Variants in GRM5 observed in about 807,000 individuals in gnomAD.
The protein encoded by GRM5 is metabotropic glutamate receptor 5.
GRM5 carries 19 observed loss-of-function variants against 83.1 expected under a neutral mutation model. That is an observed-to-expected ratio of 0.23 (90% CI 0.16 to 0.34). The LOEUF is 0.34. Among genes scored for constraint, GRM5 ranks in the 10% least tolerant of loss-of-function variants. The probability of loss-of-function intolerance (pLI) is 1.00; values close to 1 mark genes in which losing one functional copy is unlikely to be tolerated. For synonymous variants in GRM5, 675 were observed against 633.6 expected (o/e 1.07, Z -0.98); for missense variants, 1,160 against 1,588.3 (o/e 0.73, Z 4.58).
At chr11:89,019,127 G>A (rs1322348047) in intron 2 of GRM5, among the ~76,000 whole-genome samples, 2 of 152,112 alleles carry the variant, frequency 1.3e-5, no homozygotes, top group Non-Finnish European at 2.9e-5. Context: ...CACCTTGACA[G>A]TTTTGAGGAG....
intron 2 of GRM5, among the ~76,000 whole-genome samples, chr11:89,038,203 T>C (rs565543660): frequency 6.6e-6 from 1 of 151,978 alleles, no homozygotes; most frequent in African/African-American, 2.4e-5. Context: ...AAATGTAACA[T>C]TGGGCTGAAA....
chr11:89,022,090 G>A (rs1307432362), intron 2 of GRM5, among the ~76,000 whole-genome samples: 4 of 152,110 alleles, frequency 2.6e-5, no homozygotes, highest in Non-Finnish European at 5.9e-5. Context: ...ATCACATGGG[G>A]CCTGGTTTAT....
At chr11:88,964,688 T>G (rs1054279427) in intron 2 of GRM5, among the ~76,000 whole-genome samples, 3 of 152,168 alleles carry the variant, frequency 2.0e-5, no homozygotes, top group African/African-American at 7.2e-5. Context: ...ACTTGGCACA[T>G]CATATTCAAG....
At chr11:88,779,533 G>GT (rs1230796830) in intron 3 of GRM5, among the ~76,000 whole-genome samples, 2 of 151,990 alleles carry the variant, frequency 1.3e-5, no homozygotes, top group Non-Finnish European at 2.9e-5. Flanking sequence ...TTCAATAACA[G>GT]AATTTTTTTC....
At chr11:88,965,773 G>A (rs376032973) in intron 2 of GRM5, among the ~76,000 whole-genome samples, 2 of 152,096 alleles carry the variant, frequency 1.3e-5, no homozygotes, top group South Asian at 2.1e-4. Flanking sequence ...GTACATAAAG[G>A]AGACATATAC....
chr11:88,724,232 TC>T (rs1053545084), intron 3 of GRM5, among the ~76,000 whole-genome samples: 4 of 152,162 alleles, frequency 2.6e-5, no homozygotes, highest in African/African-American at 9.6e-5. Context: ...GCACATACCA[TC>T]CCTGATAGTG....
intron 4 of GRM5, among the ~76,000 whole-genome samples, chr11:88,641,087 T>C (rs1939280982): frequency 6.6e-6 from 1 of 152,124 alleles, no homozygotes; most frequent in South Asian, 2.1e-4. Flanking sequence ...AGTACAAACA[T>C]GTGCTTCTGG....
chr11:89,048,332 G>C (rs1246263495), intron 1 of GRM5, among the ~76,000 whole-genome samples: 1 of 152,164 alleles, frequency 6.6e-6, no homozygotes, highest in African/African-American at 2.4e-5. Flanking sequence ...AATCTTGAGT[G>C]TGGCAGGCAG....
chr11:88,910,331 C>T (rs1178871050), intron 2 of GRM5, among the ~76,000 whole-genome samples: 2 of 151,976 alleles, frequency 1.3e-5, no homozygotes, highest in Non-Finnish European at 2.9e-5. Flanking sequence ...CTGATGAACA[C>T]CAAGTTTATT....
chr11:88,826,417 C>A (rs147869788), intron 3 of GRM5, among the ~76,000 whole-genome samples: 3 of 151,474 alleles, frequency 2.0e-5, no homozygotes, highest in Non-Finnish European at 4.4e-5. Flanking sequence ...ACTACAAATA[C>A]ACAGACACAC....
At chr11:89,061,876 C>A (rs1343300729) in intron 1 of GRM5, among the ~76,000 whole-genome samples, 2 of 152,178 alleles carry the variant, frequency 1.3e-5, no homozygotes, top group Non-Finnish European at 2.9e-5. Context: ...ATAGCACAAA[C>A]CTCTAGGGGT....
intron 2 of GRM5, among the ~76,000 whole-genome samples, chr11:88,977,309 T>A (rs977533241): frequency 4.6e-5 from 7 of 151,988 alleles, no homozygotes; most frequent in African/African-American, 1.7e-4. Flanking sequence ...GATTCCCAAG[T>A]TCACTCCATT....
intron 3 of GRM5, among the ~76,000 whole-genome samples, chr11:88,796,899 CGTGTGTGTGT>C (rs36203408): frequency 0.1 from 14,522 of 143,244 alleles, 933 homozygotes; most frequent in Admixed American, 0.19. Context: ...CACACACACA[CGTGTGTGTGT>C]GTGTGTGTGT....
At chr11:88,525,888 T>G (rs990788063) in intron 8 of GRM5, among the ~76,000 whole-genome samples, 2 of 152,208 alleles carry the variant, frequency 1.3e-5, no homozygotes, top group Non-Finnish European at 2.9e-5. Context: ...AGCAAATTAA[T>G]CAAAGATTAG....
At chr11:88,585,320 A>G (rs1260615748) in intron 7 of GRM5, among the ~76,000 whole-genome samples, 2 of 152,234 alleles carry the variant, frequency 1.3e-5, no homozygotes, top group Non-Finnish European at 2.9e-5. Flanking sequence ...CAGGGGCCCC[A>G]GCCAATGAAC....
intron 3 of GRM5, among the ~76,000 whole-genome samples, chr11:88,802,885 C>A (rs1247692519): frequency 7.9e-5 from 12 of 151,602 alleles, no homozygotes; most frequent in Admixed American, 3.9e-4. Context: ...TTCTTATACA[C>A]CAATAACAGA....
chr11:89,051,267 A>C (rs1296747376), intron 1 of GRM5, among the ~76,000 whole-genome samples: 2 of 151,656 alleles, frequency 1.3e-5, no homozygotes, highest in Non-Finnish European at 2.9e-5. Context: ...AAAAAGAAAA[A>C]GAAAAATATA....
chr11:88,927,543 T>A (rs543973732), intron 2 of GRM5, among the ~76,000 whole-genome samples: 1 of 152,164 alleles, frequency 6.6e-6, no homozygotes, highest in South Asian at 2.1e-4. Flanking sequence ...ATCATAAAAT[T>A]GGCAATTTTT....
intron 3 of GRM5, among the ~76,000 whole-genome samples, chr11:88,837,813 G>A (rs1237465029): frequency 3.9e-5 from 6 of 152,080 alleles, no homozygotes; most frequent in African/African-American, 9.7e-5. Context: ...GGCCGGGCGC[G>A]GTGGCTCACG....
Sources: allele counts gnomAD v4.1 joint callset (sites outside exome capture counted in the v4.1 genomes callset), GRCh38; gene constraint gnomAD v4.1.1; transcripts MANE v1.5; gene names NCBI Gene and HGNC (gene_info 2026-07-23, HGNC 2026-07-21).